JAKMIP3: variants seen among roughly 807,000 people sequenced by gnomAD.
The protein encoded by JAKMIP3 is janus kinase and microtubule-interacting protein 3.
A neutral mutation model predicts 118.5 loss-of-function variants in JAKMIP3; 58 were observed. The ratio of observed to expected loss-of-function variants is 0.49; its 90% CI spans 0.40 to 0.61. JAKMIP3 has a LOEUF of 0.61. Ranked by LOEUF, JAKMIP3 falls within the 20% of genes least tolerant of loss-of-function variation. The pLI, the probability that JAKMIP3 is intolerant of heterozygous loss-of-function variation, is 0.00. For missense variants in JAKMIP3, 950 were observed against 1,109.0 expected (o/e 0.86, Z 2.04); for synonymous variants, 486 against 451.2 (o/e 1.08, Z -0.98).
rs2045640228 is a variant in JAKMIP3, at chr10:132,104,736, C to G, written c.-73C>G. 1 of 1,484,118 alleles carries G rather than the reference C, an allele frequency of 6.7e-7. No homozygotes were observed. The allele number at this position is 1,484,118 out of a possible 1,614,324, so 91.9% of individuals were successfully genotyped here. A position where few individuals can be genotyped will look rare whatever the true frequency, so the allele number is the denominator to read the frequency against. ...ACCTGCTGGGAGCTTGGCGTGGACA[C>G]CCCAGCCACCCCCAGCCCAGCCCAG... On this transcript the variant is annotated 5_prime_UTR_variant, in exon 2 of 24. Transcript: ENST00000684848.
chr10:132,145,450 C>T, intron 12 of JAKMIP3, 68 bp from the exon 13 acceptor site: 1 of 1,404,846 alleles, frequency 7.1e-7, no homozygotes, highest in Non-Finnish European at 9.8e-7. Context: ...TCTGCCACAT[C>T]ACGATTTAAA....
intron 16 of JAKMIP3, among the ~76,000 whole-genome samples, chr10:132,152,661 C>T (rs1333283649): frequency 6.6e-6 from 1 of 152,192 alleles, no homozygotes; most frequent in Non-Finnish European, 1.5e-5. Context: ...TATTGGTGGC[C>T]TGCCTGCATT....
In JAKMIP3 at chr10:132,145,592, A is replaced by G; in HGVS notation, c.1749+12A>G. 1 of 1,557,620 alleles carries G rather than the reference A, an allele frequency of 6.4e-7. No individual in the cohort carries two copies. Among genetic ancestry groups the G allele is most frequent in the South Asian group, 1.2e-5 (1 of 84,328 alleles). Reference sequence around the variant, plus strand: ...AGCTTGTGGAAAAGGTGAGCCCCGAACCCCTGGAGGCCCTGGCAGGACTCG... The same window carrying G: ...AGCTTGTGGAAAAGGTGAGCCCCGAGCCCCTGGAGGCCCTGGCAGGACTCG... On this transcript the variant is annotated intron_variant, in intron 13 of 23. Coordinates refer to ENST00000684848, the MANE Select transcript of JAKMIP3 (RefSeq NM_001323087.2).
At chr10:132,055,782 G>C (rs1032437915) in intron 1 of JAKMIP3, among the ~76,000 whole-genome samples, 1 of 152,144 alleles carries the variant, frequency 6.6e-6, no homozygotes, top group African/African-American at 2.4e-5. Context: ...GCCTCCCCCG[G>C]GGTTTGTGTC....
chr10:132,073,406 C>T (rs2040285292), intron 1 of JAKMIP3, among the ~76,000 whole-genome samples: 1 of 152,000 alleles, frequency 6.6e-6, no homozygotes, highest in Non-Finnish European at 1.5e-5. Flanking sequence ...AGGATGGTCT[C>T]AATCTCCTGA....
chr10:132,121,740 G>A (rs1005377741), intron 3 of JAKMIP3, among the ~76,000 whole-genome samples: 12 of 152,168 alleles, frequency 7.9e-5, no homozygotes, highest in African/African-American at 2.7e-4. Context: ...TGTGGGAGCT[G>A]GGGGTTTCCG....
intron 1 of JAKMIP3, among the ~76,000 whole-genome samples, chr10:132,059,090 G>A (rs1384107779): frequency 1.3e-5 from 2 of 152,320 alleles, no homozygotes; most frequent in African/African-American, 4.8e-5. Flanking sequence ...CGACAAACGC[G>A]ACCCAGGATG....
chr10:132,084,224 T>G (rs553995895), intron 1 of JAKMIP3, among the ~76,000 whole-genome samples: 4 of 152,316 alleles, frequency 2.6e-5, no homozygotes, highest in Non-Finnish European at 5.9e-5. Flanking sequence ...CAGCAGTGTT[T>G]TATAGTTTTC....
At chr10:132,090,175 T>A (rs2042924617) in intron 1 of JAKMIP3, among the ~76,000 whole-genome samples, 1 of 152,328 alleles carries the variant, frequency 6.6e-6, no homozygotes, top group South Asian at 2.1e-4. Flanking sequence ...ATTCTCTTTT[T>A]TGGTTGTGTC....
intron 1 of JAKMIP3, among the ~76,000 whole-genome samples, chr10:132,074,358 T>C (rs748428854): frequency 6.6e-6 from 1 of 152,212 alleles, no homozygotes. Flanking sequence ...GGCCCCATTT[T>C]TTGACTTTTT....
rs2058549513 is a variant in JAKMIP3 at position 132,163,272 on chromosome 10, G to GC, written c.2285dup (p.Glu763Ter). 1 of 1,592,980 alleles carries GC rather than the reference G, an allele frequency of 6.3e-7. No homozygotes were observed. The highest frequency in any genetic ancestry group is 8.5e-7 in the Non-Finnish European group (1 of 1,170,870). ...GCAGCAGGAGGCCGGGGCTAAGGTG[G>GC]CTGAGCTGCTGTCAGAGGAGGAGCG... On this transcript the variant is annotated frameshift_variant, in exon 20 of 24. Transcript: ENST00000684848. LOFTEE classifies it high-confidence loss of function.
At position 132,180,644 on chromosome 10, in the gene JAKMIP3, T is replaced by C. The variant is rs1455322040; in HGVS notation, c.*1104-1713T>C. 3.9e-3 allele frequency among the ~76,000 whole-genome samples: 95 copies of C among 24,288 alleles called. 8 individuals carry two copies. Among genetic ancestry groups the C allele is most frequent in the African/African-American group, 0.014 (70 of 4,962 alleles). The allele number at this position is 24,288 out of a possible 152,430, so 15.9% of individuals were successfully genotyped here. A position where few individuals can be genotyped will look rare whatever the true frequency, so the allele number is the denominator to read the frequency against. On this transcript the variant is annotated intron_variant, in intron 23 of 23. Coordinates refer to ENST00000684848, the MANE Select transcript of JAKMIP3 (RefSeq NM_001323087.2). ...GTGTGTGCGTGTGTGCGTGCGTGTGTGCGTGTGCGTGTGCGTGTGTGCGTG... is the reference window on the plus strand; with the variant it reads ...GTGTGTGCGTGTGTGCGTGCGTGTGCGCGTGTGCGTGTGCGTGTGTGCGTG...
chr10:132,078,630 G>C (rs1294761152), intron 1 of JAKMIP3, among the ~76,000 whole-genome samples: 4 of 150,340 alleles, frequency 2.7e-5, no homozygotes, highest in East Asian at 2.0e-4. Flanking sequence ...GGGGGGGGGG[G>C]GGGGTCCCGT....
rs527570622 is a variant in JAKMIP3, at chr10:132,118,883, G to A, written c.633+1309G>A. 2.0e-5 allele frequency among the ~76,000 whole-genome samples: 3 copies of A among 152,314 alleles called. No homozygotes were observed. The highest frequency in any genetic ancestry group is 2.1e-4 in the South Asian group (1 of 4,822). On this transcript the variant is annotated intron_variant, in intron 3 of 23. Coordinates refer to ENST00000684848, the MANE Select transcript of JAKMIP3 (RefSeq NM_001323087.2). This position sits in a 1 kb window ranked among gnomAD's most constrained non-coding sequence, Gnocchi z 4.8. ...TTTCTGTGCGGGGAAGGAAGGAAGCGTTGCCACTGTCCCGGGAAGGTGGGA... is the reference window on the plus strand; with the variant it reads ...TTTCTGTGCGGGGAAGGAAGGAAGCATTGCCACTGTCCCGGGAAGGTGGGA...
rs944708720 is a variant in JAKMIP3 at position 132,128,574 on chromosome 10, C to T, written c.634-4738C>T. Among the ~76,000 whole-genome samples, 3 of 152,172 alleles carry T rather than the reference C, an allele frequency of 2.0e-5. No homozygotes were observed. The South Asian group carries it at 6.2e-4, about 32-fold the overall frequency. ...GACTATACCTTACATTTTTCTTGAG[C>T]TCTATTCTGTTTTATTTTTCTATTT... On this transcript the variant is annotated intron_variant, in intron 3 of 23. Coordinates refer to ENST00000684848, the MANE Select transcript of JAKMIP3 (RefSeq NM_001323087.2).
rs534285754 is a variant in JAKMIP3, at chr10:132,155,117, CATG to C, written c.2220+1134_2220+1136del. On this transcript the variant is annotated intron_variant, in intron 19 of 23. Transcript: ENST00000684848. The stretch of plus-strand genomic sequence containing the variant: ...TGATGATGATGGTGGCGATGATGGT[CATG>C]ATGATGGTGATGGTGGTGATATGGT... Among the ~76,000 whole-genome samples, 792 of 106,870 alleles carry C rather than the reference CATG, an allele frequency of 7.4e-3. 7 individuals carry two copies. The highest frequency in any genetic ancestry group is 0.027 in the African/African-American group (750 of 28,016). 70.1% of individuals were successfully genotyped at this position (106,870 alleles called of 152,430 possible).
At chr10:132,169,202 G>A (rs2059225667) in intron 23 of JAKMIP3, among the ~76,000 whole-genome samples, 169 bp downstream of exon 23, 1 of 152,224 alleles carries the variant, frequency 6.6e-6, no homozygotes, top group Admixed American at 6.5e-5. Flanking sequence ...ACAGGGCCTG[G>A]GGGCTGGTGT....
intron 1 of JAKMIP3, among the ~76,000 whole-genome samples, chr10:132,050,851 G>T (rs1433404817): frequency 6.6e-6 from 1 of 152,246 alleles, no homozygotes; most frequent in African/African-American, 2.4e-5. Context: ...TGGCATGGTT[G>T]GTCTTGTTAA....
intron 10 of JAKMIP3, among the ~76,000 whole-genome samples, chr10:132,141,566 T>C (rs2053522502): frequency 6.6e-6 from 1 of 152,008 alleles, no homozygotes; most frequent in Non-Finnish European, 1.5e-5. Flanking sequence ...TAACAGAGGG[T>C]CTGCTGGGTC....
Sources: allele counts gnomAD v4.1 joint callset (sites outside exome capture counted in the v4.1 genomes callset), GRCh38; gene constraint gnomAD v4.1.1; non-coding constraint Gnocchi (gnomAD v3.1); transcripts MANE v1.5; gene names NCBI Gene and HGNC (gene_info 2026-07-23, HGNC 2026-07-21).